Variants in ITIH4 observed in about 807,000 individuals in gnomAD.
ITIH4 encodes the protein inter-alpha-trypsin inhibitor heavy chain 4.
In ITIH4, 79 loss-of-function variants were observed where a neutral mutation model predicts 111.8. The ratio of observed to expected loss-of-function variants is 0.71; its 90% confidence interval spans 0.59 to 0.85. The LOEUF (loss-of-function observed/expected upper bound fraction) is 0.85, where lower values mean the gene tolerates loss of function less well. Ranked by LOEUF, ITIH4 falls within the 40% of genes least tolerant of loss-of-function variation. The pLI is 0.00. For synonymous variants in ITIH4, 472 were observed against 468.3 expected (o/e 1.01, Z -0.10); for missense variants, 1,065 against 1,195.8 (o/e 0.89, Z 1.61).
rs184752179 is a variant in ITIH4 at position 52,819,617 on chromosome 3, G to A, written c.1952-99C>T. On this transcript the variant is annotated intron_variant, in intron 16 of 23. Transcript: ENST00000266041. ...CCCAGGAGTGGGTGCGGAGAGGGCAGCTATGTCCCCTCTCCCCACACCCGG... is the reference window on the plus strand; with the variant it reads ...CCCAGGAGTGGGTGCGGAGAGGGCAACTATGTCCCCTCTCCCCACACCCGG... 20,062 of 1,575,622 alleles carry A rather than the reference G, an allele frequency of 0.013. 2,207 individuals carry two copies. The South Asian group carries it at 0.21, about 16-fold the overall frequency.
chr3:52,820,506 A>G, intron 13 of ITIH4, 125 bp downstream of exon 13: 1 of 1,269,348 alleles, frequency 7.9e-7, no homozygotes, highest in South Asian at 1.4e-5. Context: ...GAATAGGCTG[A>G]ATCTCCCAGG....
intron 12 of ITIH4, 56 bp downstream of exon 12, chr3:52,820,935 G>C (rs112810398): frequency 6.3e-7 from 1 of 1,593,496 alleles, no homozygotes; most frequent in Non-Finnish European, 8.6e-7. Flanking sequence ...GCGCTGTACC[G>C]TGCCACCTGT....
chr3:52,816,929 C>G lies in ITIH4; in HGVS notation c.2426G>C (p.Ser809Thr). Reference protein sequence around the residue: ...EHVVVTRNRRSSAYKWKETLF... With the variant: ...EHVVVTRNRRTSAYKWKETLF... ...CGTCTCCTTCCACTTGTACGCAGAG[C>G]TTCTTCGGTTCCGAGTCACCACCAC... The change falls in exon 21 of 24, where the codon AGC becomes ACC. Residue 809 changes from serine (S) to threonine (T), a missense_variant. Coordinates refer to ENST00000266041, the MANE Select transcript of ITIH4 (RefSeq NM_002218.5). 1 of 1,614,046 alleles carries G rather than the reference C, an allele frequency of 6.2e-7. No homozygotes were observed.
intron 16 of ITIH4, 42 bp downstream of exon 16, chr3:52,819,712 C>A (rs374522625): frequency 3.1e-5 from 49 of 1,605,542 alleles, no homozygotes; most frequent in Admixed American, 1.8e-4. Context: ...AGCTCCCCCC[C>A]AGGGATGTCA....
In ITIH4 at chr3:52,823,621, C is replaced by T. The variant is rs1290647421; in HGVS notation, c.1474G>A (p.Val492Met). 6.2e-7 allele frequency: 1 copy of T among 1,614,142 alleles called. No individual in the cohort carries two copies. The highest frequency in any genetic ancestry group is 1.3e-5 in the African/African-American group (1 of 75,056). ...CGGTCCTGGAGCTTCCCAGCCACCA[C>T]CATCTCTGAGCCCTTGAAGAGGAGC... ...FRLLFKGSEMVVAGKLQDRGP... is the reference protein window; with the variant it reads ...FRLLFKGSEMMVAGKLQDRGP... The change falls in exon 11 of 24, where the codon GTG becomes ATG. Residue 492 changes from valine to methionine, a missense_variant. Coordinates refer to ENST00000266041, the MANE Select transcript of ITIH4 (RefSeq NM_002218.5).
chr3:52,824,344 C>T lies in ITIH4; in HGVS notation c.1046-29G>A. 1 of 1,611,926 alleles carries T rather than the reference C, an allele frequency of 6.2e-7. No homozygotes were observed. The highest frequency in any genetic ancestry group is 1.1e-5 in the South Asian group (1 of 91,050). On this transcript the variant is annotated intron_variant, in intron 8 of 23. Transcript: ENST00000266041. The surrounding 1 kb of genome is among the most constrained non-coding windows in gnomAD (Gnocchi z 4.3). The stretch of plus-strand genomic sequence containing the variant: ...AGGAACACGCACTCTCAAGGTGGTC[C>T]CCAGCCAGGAGCCCTGGAAGCCCCC...
intron 2 of ITIH4, 134 bp downstream of exon 2, chr3:52,828,985 C>T (rs1700525729): frequency 6.9e-6 from 5 of 727,966 alleles, no homozygotes; most frequent in Non-Finnish European, 1.1e-5. Flanking sequence ...CTGTGTGGCC[C>T]CAGGTGCAGG....
In ITIH4 at chr3:52,824,603, C is replaced by A; in HGVS notation, c.877-38G>T. ...AGGAAACATAGGTGCTTCAGAAGGG[C>A]TCCCTGAGGGCTCGTGTGCCCTAGG... On this transcript the variant is annotated intron_variant, in intron 7 of 23. Coordinates refer to ENST00000266041, the MANE Select transcript of ITIH4 (RefSeq NM_002218.5). The surrounding 1 kb of genome is among the most constrained non-coding windows in gnomAD (Gnocchi z 4.3). 1.9e-6 allele frequency: 3 copies of A among 1,585,154 alleles called. No homozygotes were observed. Among genetic ancestry groups the A allele is most frequent in the Non-Finnish European group, 2.6e-6 (3 of 1,166,280 alleles).
rs778419677 is a variant in ITIH4, at chr3:52,823,935, C to G, written c.1241G>C (p.Cys414Ser). 1 of 1,606,870 alleles carries G rather than the reference C, an allele frequency of 6.2e-7. No homozygotes were observed. Among genetic ancestry groups the G allele is most frequent in the Admixed American group, 1.7e-5 (1 of 59,300 alleles). Residue 414 changes from cysteine (C) to serine (S), a missense_variant, in exon 10 of 24, where the codon TGC becomes TCC. Cys to Ser is a moderately radical substitution (Grantham distance 112). Coordinates refer to ENST00000266041, the MANE Select transcript of ITIH4 (RefSeq NM_002218.5). ...EAVSGRYSLF[C>S]LGFGFDVSYA... ...GCTGACGTCGAAACCGAAGCCCAGG[C>G]AGAAGAGGCTGTACCGGCCACTTAC...
At chr3:52,823,220 C>G (rs528901157) in intron 11 of ITIH4, 1 of 231,114 alleles carries the variant, frequency 4.3e-6, no homozygotes, top group African/African-American at 2.3e-5. Context: ...CTGCCTGGAG[C>G]TCAGTCTGCT....
Position 52,817,038 on chromosome 3 carries a change from A to G in ITIH4, c.2317T>C (p.Tyr773His). The G allele has an allele frequency of 1.2e-6, 2 of 1,613,640 alleles. No individual in the cohort carries two copies. Among genetic ancestry groups the G allele is most frequent in the Non-Finnish European group, 1.7e-6 (2 of 1,179,854 alleles). The part of the protein sequence containing the change: ...PEQGVEVTGQ[Y>H]EREKAGFSWI... ...GAGAACCCAGCCTTCTCCCTCTCAT[A>G]CTGGCCAGTCACCTCAACCCCTGGG... Residue 773 changes from tyrosine (Y) to histidine (H), a missense_variant, in exon 21 of 24, where the codon TAT becomes CAT. Coordinates refer to ENST00000266041, the MANE Select transcript of ITIH4 (RefSeq NM_002218.5).
rs148504431 is a variant in ITIH4 at position 52,819,461 on chromosome 3, A to C, written c.2009T>G (p.Leu670Arg). The change falls in exon 17 of 24, where the codon CTT becomes CGT. Residue 670 changes from leucine (L) to arginine (R), a missense_variant. Leu to Arg is a moderately radical substitution (Grantham distance 102). Transcript: ENST00000266041. ...AACATCAGGAGGTCCTGGGAGTCCA[A>C]GTTGCCTGGAGCTGAGAACCCCAGG... is the stretch of plus-strand genomic sequence containing the variant. ...FRPGVLSSRQ[L>R]GLPGPPDVPD... The C allele has an allele frequency of 6.8e-5, 110 of 1,614,134 alleles. No homozygotes were observed. In the African/African-American group the frequency reaches 1.3e-3, roughly 19 times the overall value.
At chr3:52,819,594 C>T (rs1220907587) in intron 16 of ITIH4, 76 bp from the exon 17 acceptor site, 2 of 1,603,928 alleles carry the variant, frequency 1.2e-6, no homozygotes, top group Non-Finnish European at 1.7e-6. Flanking sequence ...GAGATCCACC[C>T]AGGAGTGGGT....
chr3:52,814,705 A>G (rs935709231), intron 21 of ITIH4, among the ~76,000 whole-genome samples: 1 of 151,258 alleles, frequency 6.6e-6, no homozygotes, highest in Non-Finnish European at 1.5e-5. Context: ...TCCCACCTCT[A>G]CCTCCCAAGT....
At chr3:52,817,123 G>C in intron 20 of ITIH4, 65 bp from the exon 21 acceptor site, 1 of 1,405,458 alleles carries the variant, frequency 7.1e-7, no homozygotes, top group Non-Finnish European at 9.9e-7. Flanking sequence ...GACCTGCATG[G>C]GGAGTCCCCC....
intron 20 of ITIH4, among the ~76,000 whole-genome samples, chr3:52,817,388 G>A (rs946479994): frequency 7.9e-5 from 12 of 152,336 alleles, no homozygotes; most frequent in African/African-American, 1.9e-4. Flanking sequence ...TAGATGCCGC[G>A]GCCAAGGGTA....
At chr3:52,827,234 T>A in intron 2 of ITIH4, 37 bp from the exon 3 acceptor site, 1 of 1,540,326 alleles carries the variant, frequency 6.5e-7, no homozygotes, top group Non-Finnish European at 9.0e-7. Flanking sequence ...GAGAGCCTGG[T>A]GGCAGGGGCC....
intron 1 of ITIH4, chr3:52,830,228 C>T (rs897610070): frequency 4.9e-6 from 2 of 404,410 alleles, no homozygotes; most frequent in East Asian, 1.2e-4. Context: ...TAGTATTACC[C>T]TGTTTTACAG....
intron 16 of ITIH4, 117 bp from the exon 17 acceptor site, chr3:52,819,635 A>G: frequency 6.3e-7 from 1 of 1,576,102 alleles, no homozygotes; most frequent in South Asian, 1.1e-5. Context: ...CCCTCTCCCC[A>G]CACCCGGCCA....
Sources: allele counts gnomAD v4.1 joint callset (sites outside exome capture counted in the v4.1 genomes callset), GRCh38; gene constraint gnomAD v4.1.1; non-coding constraint Gnocchi (gnomAD v3.1); transcripts MANE v1.5; gene names NCBI Gene and HGNC (gene_info 2026-07-23, HGNC 2026-07-21).